GP1BA: variants seen among roughly 807,000 people sequenced by gnomAD.
GP1BA encodes the protein platelet glycoprotein Ib alpha chain.
A neutral mutation model predicts 5.6 loss-of-function variants in GP1BA; 3 were observed. The observed-to-expected ratio is 0.53, with a 90% CI of 0.24 to 1.38. The LOEUF is 1.38. Among genes scored for constraint, GP1BA ranks in the 40% most tolerant of loss-of-function variants. The pLI, the probability that GP1BA is intolerant of heterozygous loss-of-function variation, is 0.16. For synonymous variants in GP1BA, 323 were observed against 358.3 expected, an observed-to-expected ratio of 0.90 and a Z score of 1.11; for missense variants, 707 against 801.4, an observed-to-expected ratio of 0.88 and a Z score of 1.42.
chr17:4,932,528 A>AGGGGGCT lies in GP1BA; in HGVS notation c.-6-66_-6-60dup. On this transcript the variant is annotated intron_variant, in intron 1 of 1. Coordinates refer to ENST00000329125, the MANE Select transcript of GP1BA (RefSeq NM_000173.7). The surrounding 1 kb of genome is among the most constrained non-coding windows in gnomAD (Gnocchi z 4.8). ...TTCTGGAAGCGAAGCTGCAGGGGGA[A>AGGGGGCT]GGGGGCTGGGGCCTGGGGGGATGCT... 1 of 1,090,062 alleles carries AGGGGGCT rather than the reference A, an allele frequency of 9.2e-7. No homozygotes were observed. Among genetic ancestry groups the AGGGGGCT allele is most frequent in the Non-Finnish European group, 1.2e-6 (1 of 814,990 alleles). The allele number at this position is 1,090,062 out of a possible 1,614,324, so 67.5% of individuals were successfully genotyped here. A position where few individuals can be genotyped will look rare whatever the true frequency, so the allele number is the denominator to read the frequency against.
chr17:4,934,197 G>A lies in GP1BA; in HGVS notation c.1593G>A (p.Leu531=). The A allele has an allele frequency of 6.2e-7, 1 of 1,613,710 alleles. No individual in the cohort carries two copies. The highest frequency in any genetic ancestry group is 1.1e-5 in the South Asian group (1 of 91,078). ...LHPDFCCLLP[L]GFYVLGLFWL... is the part of the protein sequence containing the mutation. ...CCGACTTTTGCTGCCTCCTCCCCCT[G>A]GGCTTCTATGTCTTGGGTCTCTTCT... The change falls in exon 2 of 2, where the codon CTG becomes CTA. Residue 531 remains leucine, a synonymous_variant. Transcript: ENST00000329125.
At position 4,932,382 on chromosome 17, in the gene GP1BA, GCTGGGGCAGGAGAGGGGT is replaced by G; in HGVS notation, c.-7+21_-7+38del. The G allele has an allele frequency of 2.1e-6, 3 of 1,402,866 alleles. No individual in the cohort carries two copies. The highest frequency in any genetic ancestry group is 2.8e-6 in the Non-Finnish European group (3 of 1,079,904). 86.9% of individuals were successfully genotyped at this position (1,402,866 alleles called of 1,614,324 possible). The stretch of plus-strand genomic sequence containing the variant: ...TGCCTGCCTGTAAGCCGGGGTTGGT[GCTGGGGCAGGAGAGGGGT>G]CTGAGGGAGGGGAAAGAGCCAAGGA... On this transcript the variant is annotated intron_variant, in intron 1 of 1. Coordinates refer to ENST00000329125, the MANE Select transcript of GP1BA (RefSeq NM_000173.7). The surrounding 1 kb of genome is among the most constrained non-coding windows in gnomAD (Gnocchi z 4.8).
rs577732322 is a variant in GP1BA, at chr17:4,934,612, T to C, written c.*49T>C. On this transcript the variant is annotated 3_prime_UTR_variant, in exon 2 of 2. Transcript: ENST00000329125. ...AGAGAAGAGCCTGTGGGCTCTCCTA[T>C]TGGAATCTAGTTGGGGGTTGGAGGG... The C allele has an allele frequency of 1.5e-5, 24 of 1,590,574 alleles. 2 individuals are homozygous for C. Among genetic ancestry groups the C allele is most frequent in the South Asian group, 1.5e-4 (13 of 89,160 alleles).
Position 4,933,104 on chromosome 17 carries a change from A to G in GP1BA, c.500A>G (p.Glu167Gly). The G allele has an allele frequency of 6.2e-7, 1 of 1,613,986 alleles. No homozygotes were observed. The highest frequency in any genetic ancestry group is 8.5e-7 in the Non-Finnish European group (1 of 1,179,830). ...CTCCTGACGCCCACACCCAAGCTGG[A>G]GAAGCTCAGTCTGGCTAACAACAAC... is the stretch of plus-strand genomic sequence containing the variant. The part of the protein sequence containing the change: ...PGLLTPTPKL[E>G]KLSLANNNLT... The change falls in exon 2 of 2, where the codon GAG becomes GGG. Residue 167 changes from glutamate (E) to glycine (G), a missense_variant. This residue lies in a region of GP1BA where 442 missense variants were observed against 498.8 expected (regional missense o/e 0.89). Coordinates refer to ENST00000329125, the MANE Select transcript of GP1BA (RefSeq NM_000173.7).
Position 4,934,356 on chromosome 17 carries a change from G to C in GP1BA, c.1752G>C (p.Arg584Ser). Residue 584 changes from arginine to serine, a missense_variant, in exon 2 of 2, where the codon AGG (arginine) becomes AGC (serine). Coordinates refer to ENST00000329125, the MANE Select transcript of GP1BA (RefSeq NM_000173.7). ...AAACCACACACCTGGAGCTGCAGAGGGGACGGCAAGTGACAGTGCCCCGGG... is the reference window on the plus strand; with the variant it reads ...AAACCACACACCTGGAGCTGCAGAGCGGACGGCAAGTGACAGTGCCCCGGG... ...ATQTTHLELQ[R>S]GRQVTVPRAW... 1.9e-6 allele frequency: 3 copies of C among 1,613,994 alleles called. No individual in the cohort carries two copies. Among genetic ancestry groups the C allele is most frequent in the South Asian group, 1.1e-5 (1 of 91,090 alleles).
Position 4,934,659 on chromosome 17 carries a change from G to GC in GP1BA, c.*96_*97insC, listed in dbSNP as rs1970396723. On this transcript the variant is annotated 3_prime_UTR_variant, in exon 2 of 2. Coordinates refer to ENST00000329125, the MANE Select transcript of GP1BA (RefSeq NM_000173.7). ...AGGGGTAAGGAACACAGGGTGATAG[G>GC]GAGGGGTCTTAGTTCCTTTTTCTGT... 2 of 1,270,376 alleles carry GC rather than the reference G, an allele frequency of 1.6e-6. No homozygotes were observed. The highest frequency in any genetic ancestry group is 4.0e-5 in the Admixed American group (2 of 49,710). The allele number at this position is 1,270,376 out of a possible 1,614,324, so 78.7% of individuals were successfully genotyped here. A position where few individuals can be genotyped will look rare whatever the true frequency, so the allele number is the denominator to read the frequency against.
chr17:4,933,631 C>T lies in GP1BA; in HGVS notation c.1027C>T (p.His343Tyr), dbSNP rs1970375976. The change falls in exon 2 of 2, where the codon CAT becomes TAT. Residue 343 changes from histidine to tyrosine, a missense_variant. His to Tyr is a moderately conservative substitution (Grantham distance 83). Transcript: ENST00000329125. ...AGACAGCCAAATGCCCTCCTCCTTG[C>T]ATCCAACACAAGAATCCACTAAGGA... is the stretch of plus-strand genomic sequence containing the variant. ...SLDSQMPSSL[H>Y]PTQESTKEQT... The T allele has an allele frequency of 1.2e-6, 2 of 1,613,768 alleles. No homozygotes were observed. The highest frequency in any genetic ancestry group is 2.2e-5 in the South Asian group (2 of 91,090).
rs759830711 is a variant in GP1BA at position 4,934,159 on chromosome 17, C to T, written c.1555C>T (p.Pro519Ser). The T allele has an allele frequency of 1.2e-6, 2 of 1,613,874 alleles. No individual in the cohort carries two copies. The highest frequency in any genetic ancestry group is 1.7e-6 in the Non-Finnish European group (2 of 1,179,870). Residue 519 changes from proline to serine, a missense_variant, in exon 2 of 2, where the codon CCT (proline) becomes TCT (serine). By Grantham distance (74) the Pro-to-Ser change is moderately conservative (BLOSUM62 -1). Coordinates refer to ENST00000329125, the MANE Select transcript of GP1BA (RefSeq NM_000173.7). ...GCATTTGGAGAGCTCCAGAAATGAC[C>T]CTTTTCTCCACCCCGACTTTTGCTG... ...QGHLESSRND[P>S]FLHPDFCCLL...
Position 4,933,655 on chromosome 17 carries a change from G to A in GP1BA, c.1051G>A (p.Glu351Lys). ...GCATCCAACACAAGAATCCACTAAG[G>A]AGCAGACCACATTCCCACCTAGATG... ...SLHPTQESTK[E>K]QTTFPPRWTP... Residue 351 changes from glutamate to lysine, a missense_variant, in exon 2 of 2, where the codon GAG becomes AAG. Coordinates refer to ENST00000329125, the MANE Select transcript of GP1BA (RefSeq NM_000173.7). 1 of 1,613,790 alleles carries A rather than the reference G, an allele frequency of 6.2e-7. No homozygotes were observed. Among genetic ancestry groups the A allele is most frequent in the African/African-American group, 1.3e-5 (1 of 74,930 alleles).
In GP1BA at chr17:4,933,478, T is replaced by C. The variant is rs1014073803; in HGVS notation, c.874T>C (p.Tyr292His). Residue 292 changes from tyrosine (Y) to histidine (H), a missense_variant, in exon 2 of 2, where the codon TAT (tyrosine) becomes CAT (histidine). Coordinates refer to ENST00000329125, the MANE Select transcript of GP1BA (RefSeq NM_000173.7). ...TLGDEGDTDLYDYYPEEDTEG... is the reference protein window; with the variant it reads ...TLGDEGDTDLHDYYPEEDTEG... ...TGGTGATGAAGGTGACACAGACCTA[T>C]ATGATTACTACCCAGAAGAGGACAC... 1 of 1,613,900 alleles carries C rather than the reference T, an allele frequency of 6.2e-7. No individual in the cohort carries two copies. Among genetic ancestry groups the C allele is most frequent in the South Asian group, 1.1e-5 (1 of 91,084 alleles).
chr17:4,933,998 T>C lies in GP1BA; in HGVS notation c.1394T>C (p.Leu465Pro), dbSNP rs775417800. Reference protein sequence around the residue: ...IPTIATSPTILVSATSLITPK... With the variant: ...IPTIATSPTIPVSATSLITPK... ...ACCATCGCCACAAGCCCGACCATCC[T>C]GGTGTCTGCCACAAGCCTGATCACT... Residue 465 changes from leucine (L) to proline (P), a missense_variant, in exon 2 of 2, where the codon CTG (leucine) becomes CCG (proline). Physicochemically the swap from Leu to Pro is moderately conservative, Grantham distance 98 (BLOSUM62 -3). Transcript: ENST00000329125. 6.2e-6 allele frequency: 10 copies of C among 1,608,318 alleles called. No individual in the cohort carries two copies. The highest frequency in any genetic ancestry group is 5.1e-5 in the Admixed American group (3 of 59,042).
rs753768072 is a variant in GP1BA at position 4,933,103 on chromosome 17, G to A, written c.499G>A (p.Glu167Lys). 12 of 1,613,940 alleles carry A rather than the reference G, an allele frequency of 7.4e-6. No individual in the cohort carries two copies. The highest frequency in any genetic ancestry group is 1.0e-5 in the Non-Finnish European group (12 of 1,179,822). Residue 167 changes from glutamate to lysine, a missense_variant, in exon 2 of 2, where the codon GAG becomes AAG. Coordinates refer to ENST00000329125, the MANE Select transcript of GP1BA (RefSeq NM_000173.7). ...PGLLTPTPKL[E>K]KLSLANNNLT... Reference sequence around the variant, plus strand: ...GCTCCTGACGCCCACACCCAAGCTGGAGAAGCTCAGTCTGGCTAACAACAA... The same window carrying A: ...GCTCCTGACGCCCACACCCAAGCTGAAGAAGCTCAGTCTGGCTAACAACAA...
Position 4,934,593 on chromosome 17 carries a change from G to C in GP1BA, c.*30G>C. On this transcript the variant is annotated 3_prime_UTR_variant, in exon 2 of 2. Coordinates refer to ENST00000329125, the MANE Select transcript of GP1BA (RefSeq NM_000173.7). Reference sequence around the variant, plus strand: ...GGGAGGTTTGGGGACCTTGAGAGAAGAGCCTGTGGGCTCTCCTATTGGAAT... The same window carrying C: ...GGGAGGTTTGGGGACCTTGAGAGAACAGCCTGTGGGCTCTCCTATTGGAAT... 6.2e-7 allele frequency: 1 copy of C among 1,608,162 alleles called. No homozygotes were observed. The highest frequency in any genetic ancestry group is 8.5e-7 in the Non-Finnish European group (1 of 1,176,828).
At position 4,934,113 on chromosome 17, in the gene GP1BA, G is replaced by T. The variant is rs746749100; in HGVS notation, c.1509G>T (p.Lys503Asn). ...TCCCTGAACTTGATCAGCCACCAAA[G>T]CTCCGTGGGGTGCTCCAAGGGCATT... is the stretch of plus-strand genomic sequence containing the variant. ...KTIPELDQPP[K>N]LRGVLQGHLE... Residue 503 changes from lysine (K) to asparagine (N), a missense_variant, in exon 2 of 2, where the codon AAG becomes AAT. Physicochemically the swap from Lys to Asn is moderately conservative, Grantham distance 94. Transcript: ENST00000329125. 1 of 1,613,662 alleles carries T rather than the reference G, an allele frequency of 6.2e-7. No homozygotes were observed. Among genetic ancestry groups the T allele is most frequent in the African/African-American group, 1.3e-5 (1 of 74,918 alleles).
chr17:4,934,414 A>T lies in GP1BA; in HGVS notation c.1810A>T (p.Thr604Ser). 1 of 1,613,810 alleles carries T rather than the reference A, an allele frequency of 6.2e-7. No individual in the cohort carries two copies. Among genetic ancestry groups the T allele is most frequent in the Non-Finnish European group, 8.5e-7 (1 of 1,179,860 alleles). Reference sequence around the variant, plus strand: ...GCTCTTCCTTCGAGGTTCGCTTCCCACTTTCCGCTCCAGCCTCTTCCTGTG... The same window carrying T: ...GCTCTTCCTTCGAGGTTCGCTTCCCTCTTTCCGCTCCAGCCTCTTCCTGTG... Reference protein sequence around the residue: ...WLLFLRGSLPTFRSSLFLWVR... With the variant: ...WLLFLRGSLPSFRSSLFLWVR... Residue 604 changes from threonine (T) to serine (S), a missense_variant, in exon 2 of 2, where the codon ACT (threonine) becomes TCT (serine). Transcript: ENST00000329125.
rs6065 is a variant in GP1BA, at chr17:4,933,086, C to T, written c.482C>T (p.Thr161Met). Residue 161 changes from threonine to methionine, a missense_variant, in exon 2 of 2, where the codon ACG (threonine) becomes ATG (methionine). By Grantham distance (81) the Thr-to-Met change is moderately conservative. Coordinates refer to ENST00000329125, the MANE Select transcript of GP1BA (RefSeq NM_000173.7). ...ELKTLPPGLL[T>M]PTPKLEKLSL... ...AAGACCCTGCCCCCAGGGCTCCTGA[C>T]GCCCACACCCAAGCTGGAGAAGCTC... is the stretch of plus-strand genomic sequence containing the variant. 0.088 allele frequency: 141,777 copies of T among 1,613,802 alleles called. 7,477 individuals are homozygous for T. Among genetic ancestry groups the T allele is most frequent in the African/African-American group, 0.23 (16,982 of 74,950 alleles).
rs964830373 is a variant in GP1BA, at chr17:4,934,658, G to GA, written c.*95_*96insA. ...GAGGGGTAAGGAACACAGGGTGATA[G>GA]GGAGGGGTCTTAGTTCCTTTTTCTG... On this transcript the variant is annotated 3_prime_UTR_variant, in exon 2 of 2. Transcript: ENST00000329125. The GA allele has an allele frequency of 2.7e-6, 3 of 1,121,124 alleles. No homozygotes were observed. Among genetic ancestry groups the GA allele is most frequent in the African/African-American group, 7.7e-5 (2 of 26,036 alleles). The allele number at this position is 1,121,124 out of a possible 1,614,324, so 69.4% of individuals were successfully genotyped here. A position where few individuals can be genotyped will look rare whatever the true frequency, so the allele number is the denominator to read the frequency against.
chr17:4,934,715 C>T lies in GP1BA; in HGVS notation c.*152C>T, dbSNP rs1597641043. ...AAGCCCTGTCTTCACAACACAGGCACACAATTTCAGTCCCAGCCAAAGCAG... is the reference window on the plus strand; with the variant it reads ...AAGCCCTGTCTTCACAACACAGGCATACAATTTCAGTCCCAGCCAAAGCAG... On this transcript the variant is annotated 3_prime_UTR_variant, in exon 2 of 2. Coordinates refer to ENST00000329125, the MANE Select transcript of GP1BA (RefSeq NM_000173.7). The T allele has an allele frequency of 2.6e-6, 2 of 778,398 alleles. No homozygotes were observed. The highest frequency in any genetic ancestry group is 4.8e-5 in the Admixed American group (2 of 41,304). The allele number at this position is 778,398 out of a possible 1,614,324, so 48.2% of individuals were successfully genotyped here.
rs747762615 is a variant in GP1BA at position 4,933,633 on chromosome 17, T to C, written c.1029T>C (p.His343=). Residue 343 remains histidine, a synonymous_variant, in exon 2 of 2, where the codon CAT becomes CAC. Transcript: ENST00000329125. The part of the protein sequence containing the change: ...SLDSQMPSSL[H]PTQESTKEQT... ...ACAGCCAAATGCCCTCCTCCTTGCA[T>C]CCAACACAAGAATCCACTAAGGAGC... 1.1e-5 allele frequency: 18 copies of C among 1,613,718 alleles called. No individual in the cohort carries two copies. The highest frequency in any genetic ancestry group is 1.4e-5 in the Non-Finnish European group (17 of 1,179,852).
Sources: allele counts gnomAD v4.1 joint callset, GRCh38; gene constraint gnomAD v4.1.1; regional missense constraint gnomAD v4.1.1; non-coding constraint Gnocchi (gnomAD v3.1); transcripts MANE v1.5; gene names NCBI Gene and HGNC (gene_info 2026-07-23, HGNC 2026-07-21).